The following FOXK1 variants were observed in gnomAD, a reference collection of about 807,000 sequenced individuals.
FOXK1 encodes the protein forkhead box K1.
In FOXK1, 19 loss-of-function variants were observed where a neutral mutation model predicts 51.9. That is an observed-to-expected ratio of 0.37 (90% CI 0.26 to 0.54). FOXK1 has a LOEUF of 0.54. Ranked by LOEUF, FOXK1 falls within the 20% of genes least tolerant of loss-of-function variation. The probability of loss-of-function intolerance (pLI) is 0.87; values close to 1 mark genes in which losing one functional copy is unlikely to be tolerated. For synonymous variants in FOXK1, 537 were observed against 482.6 expected, an observed-to-expected ratio of 1.11 and a Z score of -1.48; for missense variants, 870 against 1,032.7, an observed-to-expected ratio of 0.84 and a Z score of 2.16.
intron 1 of FOXK1, among the ~76,000 whole-genome samples, chr7:4,716,081 C>T (rs1228209479): frequency 1.3e-5 from 2 of 151,960 alleles, no homozygotes; most frequent in African/African-American, 4.8e-5. Flanking sequence ...ATTAGACAGG[C>T]GTGGTGGTGG....
Position 4,749,516 on chromosome 7 carries a change from C to G in FOXK1, c.747-4943C>G, listed in dbSNP as rs1051037040. ...TTGGGACGCAAAGGTCATCGCAGAC[C>G]CCCGCAGCCTTCTCGCCCCTCCACT... On this transcript the variant is annotated intron_variant, in intron 2 of 8. Transcript: ENST00000328914. This position sits in a 1 kb window ranked among gnomAD's most constrained non-coding sequence, Gnocchi z 6.0. 6.6e-6 allele frequency among the ~76,000 whole-genome samples: 1 copy of G among 152,168 alleles called. No individual in the cohort carries two copies. Among genetic ancestry groups the G allele is most frequent in the African/African-American group, 2.4e-5 (1 of 41,432 alleles).
chr7:4,753,731 A>T lies in FOXK1; in HGVS notation c.747-728A>T, dbSNP rs533711205. ...GCCTGCCTTAGTGAGTTAGGGAAGC[A>T]GGCCAGAGCACACCCCTCAGCCGGA... On this transcript the variant is annotated intron_variant, in intron 2 of 8. Transcript: ENST00000328914. The surrounding 1 kb of genome is among the most constrained non-coding windows in gnomAD (Gnocchi z 4.9). 6.6e-6 allele frequency among the ~76,000 whole-genome samples: 1 copy of T among 152,186 alleles called. No individual in the cohort carries two copies. Among genetic ancestry groups the T allele is most frequent in the Non-Finnish European group, 1.5e-5 (1 of 68,028 alleles).
rs2115040232 is a variant in FOXK1, at chr7:4,709,467, T to A, written c.560+26599T>A. Among the ~76,000 whole-genome samples, 1 of 152,178 alleles carries A rather than the reference T, an allele frequency of 6.6e-6. No homozygotes were observed. Among genetic ancestry groups the A allele is most frequent in the East Asian group, 1.9e-4 (1 of 5,164 alleles). On this transcript the variant is annotated intron_variant, in intron 1 of 8. Transcript: ENST00000328914. This position sits in a 1 kb window ranked among gnomAD's most constrained non-coding sequence, Gnocchi z 5.6. Reference sequence around the variant, plus strand: ...TCTGGACTCGATGTCTCCGAGCAGATCGAGGCTGGCCCACCCCTGCTGGCC... The same window carrying A: ...TCTGGACTCGATGTCTCCGAGCAGAACGAGGCTGGCCCACCCCTGCTGGCC...
chr7:4,746,643 T>C (rs140998337), intron 2 of FOXK1, among the ~76,000 whole-genome samples: 1 of 152,310 alleles, frequency 6.6e-6, no homozygotes, highest in Non-Finnish European at 1.5e-5. Context: ...AGCTATGATG[T>C]CACCACTGCA....
rs555172890 is a variant in FOXK1 at position 4,762,401 on chromosome 7, T to C, written c.2139T>C (p.Ala713=). 1,463 of 1,550,120 alleles carry C rather than the reference T, an allele frequency of 9.4e-4. 16 individuals carry two copies. In the East Asian group the frequency reaches 0.031, roughly 32 times the overall value. The change falls in exon 9 of 9, where the codon GCT becomes GCC. Residue 713 remains alanine, a synonymous_variant. Transcript: ENST00000328914. The surrounding 1 kb of genome is among the most constrained non-coding windows in gnomAD (Gnocchi z 5.7). Reference sequence around the variant, plus strand: ...CCCGGGTGGAGGAGCCCAGTGGTGCTGTAACCACACCGGCTGGAGTGATCG... The same window carrying C: ...CCCGGGTGGAGGAGCCCAGTGGTGCCGTAACCACACCGGCTGGAGTGATCG... ...KRSRVEEPSG[A]VTTPAGVIAA... is the part of the protein sequence containing the mutation.
intron 2 of FOXK1, among the ~76,000 whole-genome samples, chr7:4,741,690 T>G (rs754032538): frequency 1.3e-5 from 2 of 152,270 alleles, no homozygotes; most frequent in Non-Finnish European, 2.9e-5. Context: ...TTCTTTAAGC[T>G]TCATTTGTGA....
intron 1 of FOXK1, among the ~76,000 whole-genome samples, chr7:4,695,407 G>T (rs1266506328): frequency 1.3e-5 from 2 of 152,156 alleles, no homozygotes; most frequent in Non-Finnish European, 2.9e-5. Context: ...GGCCAATCAG[G>T]GATGCCATGG....
intron 1 of FOXK1, among the ~76,000 whole-genome samples, chr7:4,702,605 C>G (rs1242801847): frequency 6.6e-6 from 1 of 152,232 alleles, no homozygotes; most frequent in African/African-American, 2.4e-5. Context: ...CTTGGCCTCC[C>G]AAAGTGCTGG....
intron 2 of FOXK1, among the ~76,000 whole-genome samples, chr7:4,744,348 C>T (rs1045736674): frequency 3.3e-5 from 5 of 152,132 alleles, no homozygotes; most frequent in African/African-American, 7.2e-5. Flanking sequence ...CTGGGGTTCC[C>T]GTTACCTAAA....
chr7:4,685,858 G>A (rs1779811878), intron 1 of FOXK1, among the ~76,000 whole-genome samples: 1 of 151,716 alleles, frequency 6.6e-6, no homozygotes, highest in South Asian at 2.1e-4. Context: ...CAGAAGAATC[G>A]CTTGAACCCG....
At chr7:4,694,017 A>G (rs1037621701) in intron 1 of FOXK1, among the ~76,000 whole-genome samples, 1 of 151,934 alleles carries the variant, frequency 6.6e-6, no homozygotes, top group Non-Finnish European at 1.5e-5. Flanking sequence ...AGTAGCTGAT[A>G]CTACAGTGCC....
intron 1 of FOXK1, among the ~76,000 whole-genome samples, chr7:4,728,358 G>A (rs116583112): frequency 1.2e-3 from 184 of 152,314 alleles, no homozygotes; most frequent in African/African-American, 4.1e-3. Context: ...CAGTCCTCGG[G>A]GTTGTCCGGC....
Position 4,709,466 on chromosome 7 carries a change from A to G in FOXK1, c.560+26598A>G, listed in dbSNP as rs1158588155. On this transcript the variant is annotated intron_variant, in intron 1 of 8. Coordinates refer to ENST00000328914, the MANE Select transcript of FOXK1 (RefSeq NM_001037165.2). The surrounding 1 kb of genome is among the most constrained non-coding windows in gnomAD (Gnocchi z 5.6). ...ATCTGGACTCGATGTCTCCGAGCAG[A>G]TCGAGGCTGGCCCACCCCTGCTGGC... 1.3e-5 allele frequency among the ~76,000 whole-genome samples: 2 copies of G among 152,160 alleles called. No homozygotes were observed. The highest frequency in any genetic ancestry group is 4.8e-5 in the African/African-American group (2 of 41,422).
rs1333054212 is a variant in FOXK1 at position 4,759,645 on chromosome 7, C to T, written c.1696+50C>T. On this transcript the variant is annotated intron_variant, in intron 7 of 8. Transcript: ENST00000328914. ...TTCGCAGGACCCTTTGTGGTGGTCC[C>T]GGCCGGCAAGTCCCCAAGGCAGCGC... 5 of 1,498,304 alleles carry T rather than the reference C, an allele frequency of 3.3e-6. No individual in the cohort carries two copies. In the South Asian group the frequency reaches 3.9e-5, roughly 12 times the overall value. 92.8% of individuals were successfully genotyped at this position (1,498,304 alleles called of 1,614,324 possible). A position where few individuals can be genotyped will look rare whatever the true frequency, so the allele number is the denominator to read the frequency against.
chr7:4,730,063 C>T lies in FOXK1; in HGVS notation c.561-10775C>T, dbSNP rs981942355. Among the ~76,000 whole-genome samples, 3 of 152,178 alleles carry T rather than the reference C, an allele frequency of 2.0e-5. No individual in the cohort carries two copies. The highest frequency in any genetic ancestry group is 4.4e-5 in the Non-Finnish European group (3 of 68,026). ...TCAGACCGTTGTCTGCGTTTTTCACCGCGTGTCACCGACTCAGCATATGGG... is the reference window on the plus strand; with the variant it reads ...TCAGACCGTTGTCTGCGTTTTTCACTGCGTGTCACCGACTCAGCATATGGG... On this transcript the variant is annotated intron_variant, in intron 1 of 8. Coordinates refer to ENST00000328914, the MANE Select transcript of FOXK1 (RefSeq NM_001037165.2). This position sits in a 1 kb window ranked among gnomAD's most constrained non-coding sequence, Gnocchi z 4.7.
rs1483690268 is a variant in FOXK1 at position 4,683,923 on chromosome 7, C to G, written c.560+1055C>G. Among the ~76,000 whole-genome samples the G allele has an allele frequency of 6.6e-6, 1 of 152,208 alleles. No individual in the cohort carries two copies. Among genetic ancestry groups the G allele is most frequent in the Non-Finnish European group, 1.5e-5 (1 of 68,044 alleles). Reference sequence around the variant, plus strand: ...CCTGTGCCTCAGTTTACATCCCCAACTAGTGCTCCTTGGATGGAGTAGCGG... The same window carrying G: ...CCTGTGCCTCAGTTTACATCCCCAAGTAGTGCTCCTTGGATGGAGTAGCGG... On this transcript the variant is annotated intron_variant, in intron 1 of 8. Transcript: ENST00000328914. This position sits in a 1 kb window ranked among gnomAD's most constrained non-coding sequence, Gnocchi z 4.5.
rs1282746955 is a variant in FOXK1 at position 4,703,020 on chromosome 7, C to T, written c.560+20152C>T. 6.6e-6 allele frequency among the ~76,000 whole-genome samples: 1 copy of T among 152,146 alleles called. No individual in the cohort carries two copies. Among genetic ancestry groups the T allele is most frequent in the Non-Finnish European group, 1.5e-5 (1 of 68,038 alleles). ...TGGCCTGTGTCTCCACCTAAAAGGC[C>T]GTCCTCAGCTCCCCCTGCCAGGTCC... is the stretch of plus-strand genomic sequence containing the variant. On this transcript the variant is annotated intron_variant, in intron 1 of 8. Transcript: ENST00000328914. This position sits in a 1 kb window ranked among gnomAD's most constrained non-coding sequence, Gnocchi z 5.6.
At position 4,731,758 on chromosome 7, in the gene FOXK1, C is replaced by CAAAAAAAAAAA. The variant is rs374959543; in HGVS notation, c.561-9071_561-9061dup. ...TGGGCAACAAAGCGAAACTCTGCCTCAAAAAAAAAAAAAAAAAAAGAAAAC... is the reference window on the plus strand; with the variant it reads ...TGGGCAACAAAGCGAAACTCTGCCTCAAAAAAAAAAAAAAAAAAAAAAAAAAAAAAGAAAAC... On this transcript the variant is annotated intron_variant, in intron 1 of 8. Transcript: ENST00000328914. The surrounding 1 kb of genome is among the most constrained non-coding windows in gnomAD (Gnocchi z 5.3). Among the ~76,000 whole-genome samples, 1 of 68,672 alleles carries CAAAAAAAAAAA rather than the reference C, an allele frequency of 1.5e-5. No homozygotes were observed. 45.1% of individuals were successfully genotyped at this position (68,672 alleles called of 152,430 possible). A position where few individuals can be genotyped will look rare whatever the true frequency, so the allele number is the denominator to read the frequency against.
chr7:4,721,580 CTTT>C (rs908969302), intron 1 of FOXK1, among the ~76,000 whole-genome samples: 2 of 135,694 alleles, frequency 1.5e-5, no homozygotes, highest in African/African-American at 5.8e-5. Flanking sequence ...TTTTCTTTTT[CTTT>C]TTTTTCTTTT....
Sources: allele counts gnomAD v4.1 joint callset (sites outside exome capture counted in the v4.1 genomes callset), GRCh38; gene constraint gnomAD v4.1.1; non-coding constraint Gnocchi (gnomAD v3.1); transcripts MANE v1.5; gene names NCBI Gene and HGNC (gene_info 2026-07-23, HGNC 2026-07-21).